The following TOM1L1 variants were observed in gnomAD, a reference collection of about 807,000 sequenced individuals.
TOM1L1 encodes TOM1-like protein 1.
TOM1L1 carries 64 observed loss-of-function variants against 63.4 expected under a neutral mutation model. The ratio of observed to expected loss-of-function variants is 1.01; its 90% CI spans 0.83 to 1.24. TOM1L1 has a LOEUF of 1.24. Ranked by LOEUF, TOM1L1 falls within the 50% of genes most tolerant of loss-of-function variation. The pLI is 0.00. For missense variants in TOM1L1, 536 were observed against 567.0 expected (o/e 0.95, Z 0.55); for synonymous variants, 166 against 194.4 (o/e 0.85, Z 1.22).
intron 14 of TOM1L1, chr17:54,954,219 T>G (rs2049376667): frequency 6.6e-6 from 1 of 152,234 alleles, no homozygotes; most frequent in Non-Finnish European, 1.5e-5. Context: ...AGGGTTGCTG[T>G]TACGGTCTGC....
In TOM1L1 at chr17:54,912,819, A is replaced by G; in HGVS notation, c.372+4A>G. On this transcript the variant is annotated splice_donor_region_variant and intron_variant, in intron 4 of 15. Transcript: ENST00000575882. ...TAGAATCTTGAATTTCATTAAGGTA[A>G]GTCTGTTGTATACCTCATGGGATGG... The G allele has an allele frequency of 6.3e-7, 1 of 1,599,798 alleles. No homozygotes were observed. The highest frequency in any genetic ancestry group is 8.5e-7 in the Non-Finnish European group (1 of 1,175,368).
chr17:54,937,161 G>T lies in TOM1L1; in HGVS notation c.968G>T (p.Ser323Ile). The change falls in exon 10 of 16, where the codon AGT becomes ATT. Residue 323 changes from serine (S) to isoleucine (I), a missense_variant. Coordinates refer to ENST00000575882, the MANE Select transcript of TOM1L1 (RefSeq NM_005486.3). ...CAAGATCTCCTCGACCTAAGTCCCA[G>T]TCCCCGGATGCCTAGGGCCACTCTG... ...PSQDLLDLSPSPRMPRATLGE... is the reference protein window; with the variant it reads ...PSQDLLDLSPIPRMPRATLGE... 1 of 1,613,152 alleles carries T rather than the reference G, an allele frequency of 6.2e-7. No homozygotes were observed. The highest frequency in any genetic ancestry group is 8.5e-7 in the Non-Finnish European group (1 of 1,179,918).
At position 54,905,552 on chromosome 17, in the gene TOM1L1, C is replaced by T. The variant is rs773662613; in HGVS notation, c.207C>T (p.Ile69=). 1.3e-6 allele frequency: 2 copies of T among 1,598,966 alleles called. No individual in the cohort carries two copies. The highest frequency in any genetic ancestry group is 3.4e-5 in the Admixed American group (2 of 59,682). The part of the protein sequence containing the change: ...RISKNYNHKE[I]QLTLSLIDMC... ...CCAAAAACTACAATCATAAAGAAAT[C>T]CAACTTACCTTGTCAGTAAGTACTT... Residue 69 remains isoleucine (I), a synonymous_variant, in exon 3 of 16, where the codon ATC becomes ATT. Transcript: ENST00000575882.
intron 8 of TOM1L1, chr17:54,930,477 G>T (rs1166222967): frequency 3.2e-6 from 1 of 315,476 alleles, no homozygotes; most frequent in Non-Finnish European, 5.9e-6. Context: ...GGCCGAGGCA[G>T]GAGGATCACT....
At chr17:54,949,708 T>C (rs1293875922) in intron 13 of TOM1L1, 85 bp downstream of exon 13, 5 of 1,115,680 alleles carry the variant, frequency 4.5e-6, no homozygotes, top group Non-Finnish European at 6.8e-6. Context: ...TAACTGAAAA[T>C]AGGAGAAATT....
Position 54,903,783 on chromosome 17 carries a change from C to G in TOM1L1, c.134C>G (p.Thr45Ser), listed in dbSNP as rs1467615278. Residue 45 changes from threonine (T) to serine (S), a missense_variant, in exon 2 of 16, where the codon ACC becomes AGC. By Grantham distance (58) the Thr-to-Ser change is moderately conservative (BLOSUM62 1). Transcript: ENST00000575882. ...FMHICDIINT[T>S]QDGPKDAVKA... is the part of the protein sequence containing the mutation. ...CACATCTGTGACATAATTAACACTA[C>G]CCAGGATGGGTGAGTACAGCATGGT... 2 of 1,614,054 alleles carry G rather than the reference C, an allele frequency of 1.2e-6. No homozygotes were observed. The highest frequency in any genetic ancestry group is 1.7e-6 in the Non-Finnish European group (2 of 1,179,890).
At chr17:54,905,986 A>T (rs915943709) in intron 3 of TOM1L1, among the ~76,000 whole-genome samples, 14 of 152,024 alleles carry the variant, frequency 9.2e-5, no homozygotes, top group Admixed American at 6.6e-4. Flanking sequence ...CCTGGGCAAG[A>T]TGGTGAGAGC....
chr17:54,911,496 A>G (rs946133044), intron 3 of TOM1L1, among the ~76,000 whole-genome samples: 3 of 152,116 alleles, frequency 2.0e-5, no homozygotes, highest in African/African-American at 7.2e-5. Flanking sequence ...ATTTCAGCCC[A>G]TCATTTTTAC....
At chr17:54,953,295 G>C (rs2049327153) in intron 14 of TOM1L1, 2 of 152,384 alleles carry the variant, frequency 1.3e-5, no homozygotes, top group Non-Finnish European at 2.9e-5. Context: ...CTTGAGCCTG[G>C]GAGTTGGAGG....
chr17:54,910,714 C>G (rs1262126282), intron 3 of TOM1L1, among the ~76,000 whole-genome samples: 4 of 152,314 alleles, frequency 2.6e-5, no homozygotes, highest in Non-Finnish European at 5.9e-5. Context: ...ACAGATTCAT[C>G]TTAATATGTT....
chr17:54,931,954 TTTTTTG>T (rs2048866601), intron 8 of TOM1L1, among the ~76,000 whole-genome samples: 2 of 115,222 alleles, frequency 1.7e-5, no homozygotes, highest in South Asian at 2.6e-4. Flanking sequence ...TCTTCGTTTT[TTTTTTG>T]TTTGTTTGTT....
At chr17:54,923,608 C>T (rs928030113) in intron 7 of TOM1L1, among the ~76,000 whole-genome samples, 5 of 151,680 alleles carry the variant, frequency 3.3e-5, no homozygotes, top group South Asian at 2.1e-4. Flanking sequence ...TGCAGTGGCG[C>T]GATCTCGGCT....
At chr17:54,919,802 AT>A (rs34885580) in intron 7 of TOM1L1, among the ~76,000 whole-genome samples, 42,752 of 150,486 alleles carry the variant, frequency 0.28, 6,120 homozygotes, top group Middle Eastern at 0.32. Context: ...TTGACAAATA[AT>A]TTTTTTTTTA....
rs570826542 is a variant in TOM1L1, at chr17:54,918,995, G to A, written c.720+3133G>A. Among the ~76,000 whole-genome samples, 41 of 152,258 alleles carry A rather than the reference G, an allele frequency of 2.7e-4. No homozygotes were observed. In the South Asian group the frequency reaches 2.9e-3, roughly 11 times the overall value. ...ATTATTTTTGGAATATCTTAGAATT[G>A]TAACATTTTGCTAAGGATCCTTGGG... On this transcript the variant is annotated intron_variant, in intron 7 of 15. Transcript: ENST00000575882.
chr17:54,906,689 C>T (rs939078741), intron 3 of TOM1L1: 25 of 865,184 alleles, frequency 2.9e-5, no homozygotes, highest in Non-Finnish European at 3.5e-5. Flanking sequence ...AGCAATTCTC[C>T]TGTGTGTTGT....
intron 14 of TOM1L1, chr17:54,954,567 G>A (rs906771777): frequency 8.5e-5 from 13 of 152,226 alleles, no homozygotes; most frequent in Non-Finnish European, 1.3e-4. Flanking sequence ...CTTTTCCCTG[G>A]AGGTGCAGAG....
At chr17:54,926,838 TG>T (rs2048777323) in intron 7 of TOM1L1, among the ~76,000 whole-genome samples, 1 of 152,228 alleles carries the variant, frequency 6.6e-6, no homozygotes, top group African/African-American at 2.4e-5. Flanking sequence ...GTGGTGGAGC[TG>T]GAAGGAGAAC....
chr17:54,952,918 G>A (rs1197221563), intron 14 of TOM1L1: 1 of 152,182 alleles, frequency 6.6e-6, no homozygotes, highest in Non-Finnish European at 1.5e-5. Context: ...GGATGTTTGG[G>A]GAACAGAAGA....
chr17:54,956,957 T>C (rs1265647106), intron 14 of TOM1L1: 2 of 152,274 alleles, frequency 1.3e-5, no homozygotes, highest in East Asian at 3.9e-4. Flanking sequence ...AGCTATAGCA[T>C]CTCCCAGGGT....
Sources: allele counts gnomAD v4.1 joint callset (sites outside exome capture counted in the v4.1 genomes callset), GRCh38; gene constraint gnomAD v4.1.1; transcripts MANE v1.5; gene names NCBI Gene and HGNC (gene_info 2026-07-23, HGNC 2026-07-21).